Variants in MCU observed in about 807,000 individuals in gnomAD.
MCU encodes the protein calcium uniporter protein, mitochondrial.
MCU carries 12 observed loss-of-function variants against 45.2 expected under a neutral mutation model. The observed-to-expected ratio is 0.27, with a 90% CI of 0.17 to 0.43. MCU has a LOEUF of 0.43. MCU is among the 20% of genes least tolerant of loss of function. The probability of loss-of-function intolerance (pLI) is 1.00; values close to 1 mark genes in which losing one functional copy is unlikely to be tolerated. For missense variants in MCU, 324 were observed against 436.7 expected (o/e 0.74, Z 2.30); for synonymous variants, 160 against 165.1 (o/e 0.97, Z 0.24).
At chr10:72,713,947 TTGTG>T (rs72292523) in intron 1 of MCU, among the ~76,000 whole-genome samples, 56,667 of 138,792 alleles carry the variant, frequency 0.41, 12,878 homozygotes, top group Non-Finnish European at 0.54. Context: ...CTTTCATCAT[TTGTG>T]TGTGTGTGTG....
At chr10:72,701,589 C>T (rs551834352) in intron 1 of MCU, among the ~76,000 whole-genome samples, 5 of 152,056 alleles carry the variant, frequency 3.3e-5, no homozygotes, top group African/African-American at 4.8e-5. Context: ...TGCAGTGGTG[C>T]GATCTCGGCT....
intron 6 of MCU, among the ~76,000 whole-genome samples, chr10:72,883,226 G>C (rs1291581285): frequency 1.3e-5 from 2 of 152,156 alleles, no homozygotes; most frequent in Non-Finnish European, 2.9e-5. Flanking sequence ...GGGGGTTTGG[G>C]GGGAGAGGAG....
At chr10:72,780,643 A>G (rs917907734) in intron 1 of MCU, among the ~76,000 whole-genome samples, 2 of 151,836 alleles carry the variant, frequency 1.3e-5, no homozygotes, top group African/African-American at 4.8e-5. Flanking sequence ...CAGGAACACC[A>G]GGGCTACTTG....
intron 4 of MCU, among the ~76,000 whole-genome samples, chr10:72,868,176 G>A (rs182628113): frequency 5.3e-4 from 81 of 152,084 alleles, no homozygotes; most frequent in Non-Finnish European, 8.4e-4. Context: ...GAATATAATG[G>A]TAGATATTTA....
chr10:72,701,835 C>T (rs763496499), intron 1 of MCU, among the ~76,000 whole-genome samples: 7 of 152,052 alleles, frequency 4.6e-5, no homozygotes, highest in Non-Finnish European at 8.8e-5. Context: ...CCGGCCCCCA[C>T]TGACTACATT....
intron 1 of MCU, among the ~76,000 whole-genome samples, chr10:72,802,207 TC>T (rs1844353731): frequency 6.6e-6 from 1 of 152,198 alleles, no homozygotes; most frequent in African/African-American, 2.4e-5. Context: ...TTTGTAGTGT[TC>T]CTGAGGATTT....
At chr10:72,785,069 C>A (rs1844051953) in intron 1 of MCU, among the ~76,000 whole-genome samples, 1 of 152,176 alleles carries the variant, frequency 6.6e-6, no homozygotes, top group African/African-American at 2.4e-5. Flanking sequence ...AGGGCTCTTC[C>A]TGTCTCTAGA....
At chr10:72,780,090 A>G (rs557016019) in intron 1 of MCU, among the ~76,000 whole-genome samples, 19 of 152,364 alleles carry the variant, frequency 1.2e-4, no homozygotes, top group South Asian at 1.0e-3. Flanking sequence ...ATGGAATATT[A>G]TTCAGCCTAG....
At chr10:72,757,383 G>A (rs1325963045) in intron 1 of MCU, among the ~76,000 whole-genome samples, 1 of 152,072 alleles carries the variant, frequency 6.6e-6, no homozygotes, top group Non-Finnish European at 1.5e-5. Flanking sequence ...ATATAATTTG[G>A]GACAAGTACA....
chr10:72,839,189 C>T (rs11000425), intron 2 of MCU, among the ~76,000 whole-genome samples: 69,225 of 151,832 alleles, frequency 0.46, 19,955 homozygotes, highest in Non-Finnish European at 0.67. Context: ...GGGGTTTCAC[C>T]ATGTTGGCCA....
In MCU at chr10:72,841,358, A is replaced by G. The variant is rs541621712; in HGVS notation, c.220+6930A>G. ...GCTCTTGTCACCAGGCTGAAGTGCA[A>G]TGGCACTCAGCTCACTGCAACCTCC... On this transcript the variant is annotated intron_variant, in intron 2 of 7. Transcript: ENST00000373053. Among the ~76,000 whole-genome samples the G allele has an allele frequency of 2.0e-4, 31 of 152,164 alleles. No individual in the cohort carries two copies. In the East Asian group the frequency reaches 4.1e-3, roughly 20 times the overall value.
At chr10:72,875,116 C>T (rs897436043) in intron 6 of MCU, among the ~76,000 whole-genome samples, 1 of 152,168 alleles carries the variant, frequency 6.6e-6, no homozygotes, top group Non-Finnish European at 1.5e-5. Context: ...AACATTATAT[C>T]TAGTACACTG....
chr10:72,788,060 C>T (rs567315406), intron 1 of MCU, among the ~76,000 whole-genome samples: 2 of 152,216 alleles, frequency 1.3e-5, no homozygotes, highest in African/African-American at 4.8e-5. Flanking sequence ...GTGCTGTGTA[C>T]GTGATAGGCA....
intron 1 of MCU, among the ~76,000 whole-genome samples, chr10:72,768,582 C>T (rs977361117): frequency 1.3e-5 from 2 of 152,104 alleles, no homozygotes; most frequent in Non-Finnish European, 2.9e-5. Flanking sequence ...TAGTTTCAAC[C>T]TCTTAAATGG....
chr10:72,826,643 CAAT>C (rs1342606325), intron 1 of MCU, among the ~76,000 whole-genome samples: 1 of 152,166 alleles, frequency 6.6e-6, no homozygotes, highest in Non-Finnish European at 1.5e-5. Flanking sequence ...TTTTTACTCT[CAAT>C]AAAATTCTTT....
chr10:72,805,210 C>G (rs1844427678), intron 1 of MCU, among the ~76,000 whole-genome samples: 1 of 142,290 alleles, frequency 7.0e-6, no homozygotes, highest in Admixed American at 7.3e-5. Context: ...TCCTTTCTTC[C>G]TTTCCTTTCC....
chr10:72,789,234 T>C (rs1589460571), intron 1 of MCU, among the ~76,000 whole-genome samples: 1 of 152,152 alleles, frequency 6.6e-6, no homozygotes, highest in African/African-American at 2.4e-5. Flanking sequence ...ACTTAAAGAA[T>C]ATAATCTTAG....
intron 1 of MCU, chr10:72,692,628 T>C: frequency 9.0e-7 from 1 of 1,112,254 alleles, no homozygotes; most frequent in Non-Finnish European, 1.1e-6. Flanking sequence ...TCTTCGTTCT[T>C]AACAGCCCTG....
chr10:72,707,388 G>A (rs940722715), intron 1 of MCU, among the ~76,000 whole-genome samples: 5 of 151,450 alleles, frequency 3.3e-5, no homozygotes, highest in Non-Finnish European at 5.9e-5. Context: ...TAATAGAGTC[G>A]GGGTTTCACC....
Sources: allele counts gnomAD v4.1 joint callset (sites outside exome capture counted in the v4.1 genomes callset), GRCh38; gene constraint gnomAD v4.1.1; transcripts MANE v1.5; gene names NCBI Gene and HGNC (gene_info 2026-07-23, HGNC 2026-07-21).